CNTNAP2: variants seen among roughly 807,000 people sequenced by gnomAD.
The protein encoded by CNTNAP2 is contactin associated protein 2.
CNTNAP2 carries 98 observed loss-of-function variants against 155.2 expected under a neutral mutation model. The ratio of observed to expected loss-of-function variants is 0.63; its 90% CI spans 0.54 to 0.75. The LOEUF (loss-of-function observed/expected upper bound fraction) is 0.75, where lower values mean the gene tolerates loss of function less well. Among genes scored for constraint, CNTNAP2 ranks in the 30% least tolerant of loss-of-function variants. The pLI is 0.00. For synonymous variants in CNTNAP2, 651 were observed against 631.2 expected (o/e 1.03, Z -0.47); for missense variants, 1,727 against 1,688.1 (o/e 1.02, Z -0.40).
chr7:146,622,248 T>TATCTATCTATCC (rs1462327838), intron 1 of CNTNAP2, among the ~76,000 whole-genome samples: 1 of 41,710 alleles, frequency 2.4e-5, no homozygotes, highest in African/African-American at 8.1e-5. Context: ...TGTGTATATC[T>TATCTATCTATCC]ATCTATCTAT....
intron 1 of CNTNAP2, among the ~76,000 whole-genome samples, chr7:146,683,216 A>G (rs1800535947): frequency 6.6e-6 from 1 of 152,080 alleles, no homozygotes; most frequent in Admixed American, 6.6e-5. Flanking sequence ...TATTTTTAAT[A>G]CAGATGGGGT....
chr7:146,599,780 A>AGATC (rs1554454032), intron 1 of CNTNAP2, among the ~76,000 whole-genome samples: 4 of 152,032 alleles, frequency 2.6e-5, no homozygotes, highest in South Asian at 4.2e-4. Flanking sequence ...ATAGATAGAT[A>AGATC]GATCTCTAGT....
intron 13 of CNTNAP2, among the ~76,000 whole-genome samples, chr7:147,688,119 C>CCT (rs767114748): frequency 4.0e-5 from 6 of 151,726 alleles, no homozygotes; most frequent in East Asian, 1.9e-4. Context: ...TTTTTCTATT[C>CCT]CTCTCTCTCT....
chr7:146,441,271 C>T (rs1021137806), intron 1 of CNTNAP2, among the ~76,000 whole-genome samples: 1 of 151,480 alleles, frequency 6.6e-6, no homozygotes, highest in Non-Finnish European at 1.5e-5. Flanking sequence ...CTTTCTTAAG[C>T]CCTATTCTTC....
chr7:148,036,811 G>A (rs1049700777), intron 15 of CNTNAP2, among the ~76,000 whole-genome samples: 1 of 151,958 alleles, frequency 6.6e-6, no homozygotes, highest in Non-Finnish European at 1.5e-5. Context: ...TCCATAAAAT[G>A]GATGGAAATG....
intron 4 of CNTNAP2, among the ~76,000 whole-genome samples, chr7:147,083,988 AT>A (rs1800211315): frequency 7.6e-6 from 1 of 131,784 alleles, no homozygotes; most frequent in Non-Finnish European, 1.5e-5. Context: ...ACATATATGT[AT>A]ATATAATACA....
chr7:146,716,498 C>T (rs1405647389), intron 1 of CNTNAP2, among the ~76,000 whole-genome samples: 1 of 152,188 alleles, frequency 6.6e-6, no homozygotes, highest in Non-Finnish European at 1.5e-5. Flanking sequence ...TGCTGCAATA[C>T]AAACACCTTT....
chr7:148,415,458 G>A lies in CNTNAP2; in HGVS notation c.3838G>A (p.Val1280Ile). The change falls in exon 24 of 24, where the codon GTC becomes ATC. Residue 1280 changes from valine to isoleucine, a missense_variant. Val to Ile is a conservative substitution (Grantham distance 29, BLOSUM62 3). Coordinates refer to ENST00000361727, the MANE Select transcript of CNTNAP2 (RefSeq NM_014141.6). ...VVIFTILCTL[V>I]FLIRYMFRHK... The stretch of plus-strand genomic sequence containing the variant: ...GATTTTCACCATCCTGTGCACCCTG[G>A]TCTTCCTGATCCGGTACATGTTCCG... 1 of 1,614,134 alleles carries A rather than the reference G, an allele frequency of 6.2e-7. No individual in the cohort carries two copies. Among genetic ancestry groups the A allele is most frequent in the Non-Finnish European group, 8.5e-7 (1 of 1,180,040 alleles).
At chr7:146,688,834 T>A (rs1255976827) in intron 1 of CNTNAP2, among the ~76,000 whole-genome samples, 1 of 152,228 alleles carries the variant, frequency 6.6e-6, no homozygotes, top group African/African-American at 2.4e-5. Flanking sequence ...CTAATTATAC[T>A]AGGAAGTAAA....
intron 3 of CNTNAP2, among the ~76,000 whole-genome samples, chr7:146,947,466 AT>A (rs1275479242): frequency 7.1e-6 from 1 of 141,622 alleles, no homozygotes; most frequent in Non-Finnish European, 1.5e-5. Context: ...TTCTATATAT[AT>A]TGTATATATA....
chr7:147,480,930 C>T (rs1181596265), intron 10 of CNTNAP2, among the ~76,000 whole-genome samples: 3 of 152,162 alleles, frequency 2.0e-5, no homozygotes, highest in Admixed American at 2.0e-4. Context: ...TCAAGAGATT[C>T]CTATGCACAC....
intron 12 of CNTNAP2, among the ~76,000 whole-genome samples, chr7:147,604,817 C>T (rs917628207): frequency 6.6e-6 from 1 of 152,162 alleles, no homozygotes; most frequent in Admixed American, 6.5e-5. Context: ...CTCTGAAAAC[C>T]ACCCTCATGT....
intron 1 of CNTNAP2, among the ~76,000 whole-genome samples, chr7:146,314,598 G>A (rs1800878299): frequency 6.6e-6 from 1 of 152,126 alleles, no homozygotes; most frequent in South Asian, 2.1e-4. Context: ...TTTGTTCCCT[G>A]TGGTCTAGGA....
At chr7:148,142,996 T>G (rs1805105935) in intron 16 of CNTNAP2, among the ~76,000 whole-genome samples, 1 of 152,248 alleles carries the variant, frequency 6.6e-6, no homozygotes, top group African/African-American at 2.4e-5. Flanking sequence ...CTGATGGCAA[T>G]ATGCCACCTT....
chr7:147,567,786 A>G (rs992482002), intron 12 of CNTNAP2, among the ~76,000 whole-genome samples: 2 of 152,112 alleles, frequency 1.3e-5, no homozygotes, highest in African/African-American at 4.8e-5. Context: ...CCTTGAACAC[A>G]TTAAAAAAAA....
chr7:146,250,377 C>T (rs926711039), intron 1 of CNTNAP2, among the ~76,000 whole-genome samples: 6 of 152,190 alleles, frequency 3.9e-5, no homozygotes, highest in African/African-American at 1.4e-4. Flanking sequence ...GTTTCCCATT[C>T]ACCACTGCAC....
Position 148,264,905 on chromosome 7 carries a change from G to A in CNTNAP2, c.3382-2128G>A, listed in dbSNP as rs1796639894. Among the ~76,000 whole-genome samples the A allele has an allele frequency of 2.6e-5, 4 of 152,048 alleles. No individual in the cohort carries two copies. The South Asian group carries it at 8.3e-4, about 32-fold the overall frequency. On this transcript the variant is annotated intron_variant, in intron 20 of 23. Coordinates refer to ENST00000361727, the MANE Select transcript of CNTNAP2 (RefSeq NM_014141.6). The stretch of plus-strand genomic sequence containing the variant: ...AGACAGGGTTTCATCATGTTGGCCA[G>A]GATGGTCTCGATCTCTTGATCTCAT...
intron 3 of CNTNAP2, among the ~76,000 whole-genome samples, chr7:146,953,979 A>C (rs886303992): frequency 2.0e-5 from 3 of 151,978 alleles, no homozygotes; most frequent in Non-Finnish European, 4.4e-5. Flanking sequence ...TTTTGCTGAT[A>C]GCTGTATATA....
chr7:147,902,494 G>A (rs1048616510), intron 13 of CNTNAP2, among the ~76,000 whole-genome samples: 6 of 152,018 alleles, frequency 3.9e-5, no homozygotes, highest in African/African-American at 1.4e-4. Flanking sequence ...ATGAGATTTT[G>A]GTGCACCCAT....
Sources: gnomAD v4.1 joint callset for allele counts (sites outside exome capture counted in the v4.1 genomes callset) on GRCh38, gnomAD v4.1.1 for gene constraint, MANE v1.5 for transcripts, NCBI Gene and HGNC (gene_info 2026-07-23, HGNC 2026-07-21) for gene names.